Variants in RANBP17 observed in about 807,000 individuals in gnomAD.
The protein encoded by RANBP17 is RAN binding protein 17, also known as ran-binding protein 17.
Under a neutral mutation model 141.2 loss-of-function variants are expected in RANBP17, and 158 were observed. The ratio of observed to expected loss-of-function variants is 1.12; its 90% CI spans 0.98 to 1.28. The LOEUF is 1.28. Among genes scored for constraint, RANBP17 ranks in the 50% most tolerant of loss-of-function variants. The probability of loss-of-function intolerance (pLI) is 0.00; values close to 1 mark genes in which losing one functional copy is unlikely to be tolerated. For synonymous variants in RANBP17, 430 were observed against 450.0 expected, an observed-to-expected ratio of 0.96 and a Z score of 0.56; for missense variants, 1,438 against 1,290.7, an observed-to-expected ratio of 1.11 and a Z score of -1.75.
chr5:170,909,919 C>T (rs895920450), intron 6 of RANBP17, 154 bp downstream of exon 6: 48 of 494,652 alleles, frequency 9.7e-5, no homozygotes, highest in African/African-American at 9.1e-4. Context: ...AGTCTGTAAG[C>T]AGTTCCAAAA....
chr5:170,995,721 A>G (rs1168229691), intron 14 of RANBP17, among the ~76,000 whole-genome samples: 5 of 152,170 alleles, frequency 3.3e-5, no homozygotes, highest in Admixed American at 2.6e-4. Context: ...TAACCACTGT[A>G]TCACTCTAGA....
At chr5:171,253,020 G>A (rs543277901) in intron 24 of RANBP17, 14 of 1,098,576 alleles carry the variant, frequency 1.3e-5, no homozygotes, top group Non-Finnish European at 1.7e-5. Context: ...ACTTTCTGCC[G>A]CATTTCTTCT....
At chr5:171,048,873 C>T (rs547144553) in intron 14 of RANBP17, among the ~76,000 whole-genome samples, 5 of 152,138 alleles carry the variant, frequency 3.3e-5, no homozygotes, top group African/African-American at 4.8e-5. Context: ...TTTATCCAGT[C>T]TACCATTGGT....
chr5:170,956,102 A>T (rs1050471334), intron 13 of RANBP17, among the ~76,000 whole-genome samples: 1 of 151,570 alleles, frequency 6.6e-6, no homozygotes. Context: ...TTGGTTTCAT[A>T]TGTTTTTTCC....
In RANBP17 at chr5:170,914,148, A is replaced by G. The variant is rs770408121; in HGVS notation, c.761-19A>G. ...CTGAATTGAAAGTAATGGTGTTAGA[A>G]AATAATTTTTTTTCCCAGTTTTCCT... On this transcript the variant is annotated intron_variant, in intron 7 of 27. Transcript: ENST00000523189. 6.5e-7 allele frequency: 1 copy of G among 1,528,394 alleles called. No individual in the cohort carries two copies. The highest frequency in any genetic ancestry group is 9.1e-7 in the Non-Finnish European group (1 of 1,103,726). 94.7% of individuals were successfully genotyped at this position (1,528,394 alleles called of 1,614,324 possible).
At chr5:171,061,603 AGGTGT>A (rs1481258569) in intron 14 of RANBP17, among the ~76,000 whole-genome samples, 20 of 152,110 alleles carry the variant, frequency 1.3e-4, no homozygotes, top group African/African-American at 4.8e-4. Flanking sequence ...ATTTTGGAAT[AGGTGT>A]GGTGTGGTGC....
intron 1 of RANBP17, among the ~76,000 whole-genome samples, chr5:170,866,351 C>G (rs1054511555): frequency 6.6e-6 from 1 of 152,140 alleles, no homozygotes; most frequent in African/African-American, 2.4e-5. Flanking sequence ...AATCTACACT[C>G]TGGTCTAGAA....
intron 14 of RANBP17, among the ~76,000 whole-genome samples, chr5:170,980,709 A>G (rs1273871305): frequency 6.6e-6 from 1 of 152,268 alleles, no homozygotes; most frequent in Non-Finnish European, 1.5e-5. Flanking sequence ...TTGGATGTCC[A>G]GGCAGAAGTT....
chr5:171,142,793 A>G (rs543587602), intron 14 of RANBP17, among the ~76,000 whole-genome samples: 13 of 152,194 alleles, frequency 8.5e-5, no homozygotes, highest in South Asian at 2.1e-4. Context: ...AGCAAGTATC[A>G]TACCAGTTTT....
At chr5:171,136,456 T>C (rs1486841837) in intron 14 of RANBP17, among the ~76,000 whole-genome samples, 10 of 152,132 alleles carry the variant, frequency 6.6e-5, no homozygotes, top group African/African-American at 2.4e-4. Flanking sequence ...CTAGAGTCTC[T>C]AATTCTGTCT....
intron 14 of RANBP17, among the ~76,000 whole-genome samples, chr5:171,114,033 A>G (rs564315632): frequency 6.6e-6 from 1 of 152,164 alleles, no homozygotes; most frequent in African/African-American, 2.4e-5. Flanking sequence ...CATGCCATAC[A>G]TTTATTATTT....
At chr5:171,044,313 T>G (rs1782434501) in intron 14 of RANBP17, among the ~76,000 whole-genome samples, 1 of 152,050 alleles carries the variant, frequency 6.6e-6, no homozygotes, top group Admixed American at 6.6e-5. Context: ...TTCACAAGGC[T>G]TTTCTTAAAA....
chr5:171,052,892 G>C (rs1384222868), intron 14 of RANBP17, among the ~76,000 whole-genome samples: 8 of 150,492 alleles, frequency 5.3e-5, no homozygotes, highest in African/African-American at 2.0e-4. Context: ...CACTGTTGTT[G>C]CCCAGGCTGG....
chr5:171,068,290 C>T (rs1024617429), intron 14 of RANBP17, among the ~76,000 whole-genome samples: 1 of 152,116 alleles, frequency 6.6e-6, no homozygotes, highest in Admixed American at 6.5e-5. Context: ...ATATTACCTA[C>T]TTGTTCACAC....
intron 14 of RANBP17, among the ~76,000 whole-genome samples, chr5:171,130,493 A>G (rs1380331177): frequency 3.2e-5 from 4 of 123,538 alleles, no homozygotes; most frequent in Non-Finnish European, 3.2e-5. Context: ...CTGGAGTGCA[A>G]TGGCATGATC....
chr5:171,136,989 G>A (rs548973884), intron 14 of RANBP17, among the ~76,000 whole-genome samples: 1 of 152,078 alleles, frequency 6.6e-6, no homozygotes, highest in South Asian at 2.1e-4. Context: ...GAAGACTTGT[G>A]GCTGGCTTTT....
chr5:170,922,228 T>C (rs1237125029), intron 11 of RANBP17, among the ~76,000 whole-genome samples: 2 of 152,066 alleles, frequency 1.3e-5, no homozygotes, highest in African/African-American at 4.8e-5. Context: ...CACCTGCCTG[T>C]TTGAGGTGTC....
intron 14 of RANBP17, among the ~76,000 whole-genome samples, chr5:170,989,960 A>G (rs896136356): frequency 1.3e-5 from 2 of 151,928 alleles, no homozygotes; most frequent in Admixed American, 6.6e-5. Context: ...TACTAAAACA[A>G]TGAGCATGTA....
chr5:171,054,648 G>T (rs954917251), intron 14 of RANBP17, among the ~76,000 whole-genome samples: 6 of 152,086 alleles, frequency 3.9e-5, no homozygotes, highest in Non-Finnish European at 5.9e-5. Flanking sequence ...TGTACCTTTT[G>T]CCGACCTTCT....
Sources: gnomAD v4.1 joint callset for allele counts (sites outside exome capture counted in the v4.1 genomes callset) on GRCh38, gnomAD v4.1.1 for gene constraint, MANE v1.5 for transcripts, NCBI Gene and HGNC (gene_info 2026-07-23, HGNC 2026-07-21) for gene names.